The following NKTR variants were observed in gnomAD, a reference collection of about 807,000 sequenced individuals.
The protein encoded by NKTR is NK-tumor recognition protein.
A neutral mutation model predicts 156.3 loss-of-function variants in NKTR; 67 were observed. The ratio of observed to expected loss-of-function variants is 0.43; its 90% CI spans 0.35 to 0.53. The LOEUF is 0.53. Among genes scored for constraint, NKTR ranks in the 20% least tolerant of loss-of-function variants. The probability of loss-of-function intolerance (pLI) is 0.01; values close to 1 mark genes in which losing one functional copy is unlikely to be tolerated. For missense variants in NKTR, 1,604 were observed against 1,730.9 expected, an observed-to-expected ratio of 0.93 and a Z score of 1.30; for synonymous variants, 640 against 596.6, an observed-to-expected ratio of 1.07 and a Z score of -1.06.
In NKTR at chr3:42,637,008, A is replaced by G; in HGVS notation, c.1304A>G (p.Lys435Arg). 6.2e-7 allele frequency: 1 copy of G among 1,613,150 alleles called. No homozygotes were observed. The highest frequency in any genetic ancestry group is 8.5e-7 in the Non-Finnish European group (1 of 1,179,776). Residue 435 changes from lysine (K) to arginine (R), a missense_variant, in exon 13 of 17, where the codon AAG (lysine) becomes AGG (arginine). Lys to Arg is a conservative substitution (Grantham distance 26, BLOSUM62 2). Coordinates refer to ENST00000232978, the MANE Select transcript of NKTR (RefSeq NM_005385.4). ...CATAAAAAACGCAGAAAAGAAAAAA[A>G]GGTTAAGCATAAAAAGAAAGGGAAA... Reference protein sequence around the residue: ...GHHKKRRKEKKVKHKKKGKKQ... With the variant: ...GHHKKRRKEKRVKHKKKGKKQ...
intron 8 of NKTR, 108 bp downstream of exon 8, chr3:42,631,424 T>C: frequency 8.0e-7 from 1 of 1,250,624 alleles, no homozygotes; most frequent in Non-Finnish European, 1.1e-6. Context: ...TAGCCCTTGG[T>C]GCCCCTGAAT....
chr3:42,630,433 A>C (rs1266823128), intron 6 of NKTR, 113 bp from the exon 7 acceptor site: 1 of 1,554,224 alleles, frequency 6.4e-7, no homozygotes, highest in Non-Finnish European at 8.7e-7. Context: ...TTTTTCCCCT[A>C]TCTTTTTATC....
At chr3:42,626,545 T>C (rs562357632) in intron 6 of NKTR, among the ~76,000 whole-genome samples, 1 of 152,292 alleles carries the variant, frequency 6.6e-6, no homozygotes, top group South Asian at 2.1e-4. Flanking sequence ...AAATTGTAGT[T>C]AATGCTGCTT....
In NKTR at chr3:42,639,402, G is replaced by A; in HGVS notation, c.3698G>A (p.Gly1233Glu). ...AAATGGAAGCCCCTGCAAGGTGTGG[G>A]GAACCTGGCAGCACCTAATGCTGCC... ...DKKWKPLQGV[G>E]NLAAPNAATS... is the part of the protein sequence containing the mutation. Residue 1233 changes from glycine (G) to glutamate (E), a missense_variant, in exon 13 of 17, where the codon GGG becomes GAG. This residue lies in a region of NKTR where 1,255 missense variants were observed against 1,243.7 expected (regional missense o/e 1.01). Transcript: ENST00000232978. 6.2e-7 allele frequency: 1 copy of A among 1,613,940 alleles called. No individual in the cohort carries two copies. Among genetic ancestry groups the A allele is most frequent in the East Asian group, 2.2e-5 (1 of 44,886 alleles).
intron 6 of NKTR, among the ~76,000 whole-genome samples, chr3:42,623,089 C>A (rs1224964449): frequency 6.6e-6 from 1 of 151,754 alleles, no homozygotes; most frequent in East Asian, 1.9e-4. Flanking sequence ...CGAGATTCTC[C>A]CTTCAAAAAC....
At chr3:42,608,319 A>C (rs374170634) in intron 2 of NKTR, among the ~76,000 whole-genome samples, 2 of 152,100 alleles carry the variant, frequency 1.3e-5, no homozygotes, top group African/African-American at 4.8e-5. Flanking sequence ...AGGGATTCCT[A>C]CAACCCCCTG....
intron 2 of NKTR, among the ~76,000 whole-genome samples, chr3:42,617,181 A>G (rs1167398926): frequency 6.6e-6 from 1 of 152,246 alleles, no homozygotes; most frequent in African/African-American, 2.4e-5. Context: ...GGCCAGAATT[A>G]CTGTCTTTTG....
chr3:42,621,336 GA>G, intron 5 of NKTR, 92 bp from the exon 6 acceptor site: 7 of 1,480,302 alleles, frequency 4.7e-6, no homozygotes, highest in Non-Finnish European at 6.3e-6. Context: ...ACCAGAAGAG[GA>G]ATTTCATCTT....
At chr3:42,601,814 A>C (rs1019315305) in intron 2 of NKTR, 2 of 152,224 alleles carry the variant, frequency 1.3e-5, no homozygotes, top group Non-Finnish European at 2.9e-5. Context: ...GTCTTTGTGC[A>C]ACATCTTGTT....
chr3:42,608,503 C>G (rs191082010), intron 2 of NKTR, among the ~76,000 whole-genome samples: 1 of 152,154 alleles, frequency 6.6e-6, no homozygotes, highest in African/African-American at 2.4e-5. Context: ...CTGGACATGT[C>G]GCCCTCCCTC....
intron 6 of NKTR, 24 bp from the exon 7 acceptor site, chr3:42,630,522 T>A (rs1392277219): frequency 6.2e-7 from 1 of 1,613,678 alleles, no homozygotes; most frequent in South Asian, 1.1e-5. Context: ...TGACATCATC[T>A]TTGTGTTGAT....
chr3:42,619,842 A>AT, intron 5 of NKTR, 134 bp downstream of exon 5: 1 of 1,460,266 alleles, frequency 6.8e-7, no homozygotes, highest in Non-Finnish European at 9.0e-7. Flanking sequence ...AAAATACTTT[A>AT]TTTGCATGAA....
In NKTR at chr3:42,638,154, A is replaced by G; in HGVS notation, c.2450A>G (p.Gln817Arg). The G allele has an allele frequency of 6.2e-7, 1 of 1,613,146 alleles. No homozygotes were observed. The highest frequency in any genetic ancestry group is 8.5e-7 in the Non-Finnish European group (1 of 1,179,820). The part of the protein sequence containing the change: ...YSSDSEQSSV[Q>R]ATQSAQEKEK... ...TCAGACAGTGAGCAGTCAAGTGTTC[A>G]GGCCACACAGTCAGCCCAGGAAAAA... is the stretch of plus-strand genomic sequence containing the variant. The change falls in exon 13 of 17, where the codon CAG becomes CGG. Residue 817 changes from glutamine (Q) to arginine (R), a missense_variant. Physicochemically the swap from Gln to Arg is conservative, Grantham distance 43 (BLOSUM62 1). Transcript: ENST00000232978.
rs1053732532 is a variant in NKTR at position 42,622,942 on chromosome 3, G to T, written c.374+1426G>T. Among the ~76,000 whole-genome samples the T allele has an allele frequency of 2.0e-5, 3 of 151,732 alleles. No individual in the cohort carries two copies. In the East Asian group the frequency reaches 5.8e-4, roughly 29 times the overall value. The stretch of plus-strand genomic sequence containing the variant: ...CTTTTAGATTTCCTTTTTTATATCA[G>T]TACAATTAAAATTTGATTTATCAAG... On this transcript the variant is annotated intron_variant, in intron 6 of 16. Coordinates refer to ENST00000232978, the MANE Select transcript of NKTR (RefSeq NM_005385.4).
chr3:42,642,125 C>T (rs559001092), intron 13 of NKTR, among the ~76,000 whole-genome samples: 1 of 152,204 alleles, frequency 6.6e-6, no homozygotes, highest in African/African-American at 2.4e-5. Context: ...TATATCCTTG[C>T]TGAAACATGT....
chr3:42,621,554 CAG>C, intron 6 of NKTR, 38 bp downstream of exon 6: 1 of 1,592,226 alleles, frequency 6.3e-7, no homozygotes, highest in East Asian at 2.3e-5. Context: ...TTTTCTTAAA[CAG>C]AGAAGCGCTG....
chr3:42,624,849 T>C (rs1363983650), intron 6 of NKTR, among the ~76,000 whole-genome samples: 3 of 152,298 alleles, frequency 2.0e-5, no homozygotes, highest in African/African-American at 4.8e-5. Context: ...GCTGTAATTT[T>C]TTTGTCTTTA....
intron 6 of NKTR, chr3:42,630,027 A>C (rs1577524760): frequency 1.0e-6 from 1 of 985,316 alleles, no homozygotes; most frequent in Non-Finnish European, 1.2e-6. Context: ...TGGAAACAGA[A>C]CTCCTGAGAC....
chr3:42,637,993 G>A lies in NKTR; in HGVS notation c.2289G>A (p.Gly763=). 1 of 1,612,632 alleles carries A rather than the reference G, an allele frequency of 6.2e-7. No homozygotes were observed. Among genetic ancestry groups the A allele is most frequent in the South Asian group, 1.1e-5 (1 of 90,860 alleles). ...RRAKRRLRSS[G]KKNSVSHKKH... is the part of the protein sequence containing the mutation. ...CTAAGAGGAGACTTAGATCCAGTGG[G>A]AAAAAAAATAGCGTTTCACATAAAA... The change falls in exon 13 of 17, where the codon GGG becomes GGA. Residue 763 remains glycine (G), a synonymous_variant. Transcript: ENST00000232978.
Sources: allele counts gnomAD v4.1 joint callset (sites outside exome capture counted in the v4.1 genomes callset), GRCh38; gene constraint gnomAD v4.1.1; regional missense constraint gnomAD v4.1.1; transcripts MANE v1.5; gene names NCBI Gene and HGNC (gene_info 2026-07-23, HGNC 2026-07-21).